RUFY3: variants seen among roughly 807,000 people sequenced by gnomAD.
RUFY3 encodes the protein RUN and FYVE domain containing 3.
A neutral mutation model predicts 84.0 loss-of-function variants in RUFY3; 34 were observed. The observed-to-expected ratio is 0.40, with a 90% CI of 0.31 to 0.54. The LOEUF (loss-of-function observed/expected upper bound fraction) is 0.54, where lower values mean the gene tolerates loss of function less well. RUFY3 is among the 20% of genes least tolerant of loss of function. The pLI is 0.39. For synonymous variants in RUFY3, 242 were observed against 252.9 expected, an observed-to-expected ratio of 0.96 and a Z score of 0.41; for missense variants, 507 against 736.8, an observed-to-expected ratio of 0.69 and a Z score of 3.61.
At chr4:70,729,752 TTTTATATCTATC>T (rs1718909938) in intron 1 of RUFY3, among the ~76,000 whole-genome samples, 1 of 152,160 alleles carries the variant, frequency 6.6e-6, no homozygotes, top group Non-Finnish European at 1.5e-5. Context: ...ATATTTCTAT[TTTTATATCTATC>T]TTTATAGAGT....
intron 1 of RUFY3, among the ~76,000 whole-genome samples, chr4:70,758,543 T>G (rs1394682767): frequency 1.3e-5 from 2 of 152,144 alleles, no homozygotes; most frequent in South Asian, 4.1e-4. Context: ...TTGTGTTCAT[T>G]TACAATGAGC....
Position 70,807,479 on chromosome 4 carries a change from A to T in RUFY3, c.*820A>T, listed in dbSNP as rs1237139157. Among the ~76,000 whole-genome samples, 1 of 152,194 alleles carries T rather than the reference A, an allele frequency of 6.6e-6. No homozygotes were observed. The highest frequency in any genetic ancestry group is 6.5e-5 in the Admixed American group (1 of 15,280). On this transcript the variant is annotated 3_prime_UTR_variant, in exon 18 of 18. Transcript: ENST00000381006. ...AAAATAGGGTTTGGCTTTTGCAAAT[A>T]GAAGATATTGATTAAAGCAAAGTCA...
chr4:70,716,273 G>A (rs545203840), intron 1 of RUFY3, among the ~76,000 whole-genome samples: 2 of 152,094 alleles, frequency 1.3e-5, no homozygotes, highest in Admixed American at 6.5e-5. Context: ...AGTCCCCTGA[G>A]TAGCTGGGAT....
intron 1 of RUFY3, chr4:70,705,432 T>C: frequency 3.6e-6 from 2 of 548,800 alleles, no homozygotes; most frequent in Non-Finnish European, 5.7e-6. Context: ...CTTTAGGGGC[T>C]ACCCTCGGGA....
upstream of RUFY3, among the ~76,000 whole-genome samples, chr4:70,720,961 A>G (rs925653681): frequency 6.7e-6 from 1 of 149,848 alleles, no homozygotes; most frequent in Admixed American, 6.8e-5. Flanking sequence ...TGTCTTCAGT[A>G]TCTTATCGAA....
At chr4:70,805,736 C>A (rs1447303186) in intron 17 of RUFY3, among the ~76,000 whole-genome samples, 3 of 152,138 alleles carry the variant, frequency 2.0e-5, no homozygotes, top group Non-Finnish European at 4.4e-5. Flanking sequence ...GACAAAAATT[C>A]TTCTTAGGCT....
In RUFY3 at chr4:70,788,862, T is replaced by C. The variant is rs369941144; in HGVS notation, c.1128T>C (p.Ala376=). The change falls in exon 11 of 18, where the codon GCT becomes GCC. Residue 376 remains alanine, a synonymous_variant. Coordinates refer to ENST00000381006, the MANE Select transcript of RUFY3 (RefSeq NM_001037442.4). ...QISMRQEMEL[A]MKMLEKDVCE... Reference sequence around the variant, plus strand: ...GCATGAGGCAGGAGATGGAATTGGCTATGAAGATGCTGGAGAAGGATGTCT... The same window carrying C: ...GCATGAGGCAGGAGATGGAATTGGCCATGAAGATGCTGGAGAAGGATGTCT... The C allele has an allele frequency of 5.0e-6, 8 of 1,614,166 alleles. No homozygotes were observed. The African/African-American group carries it at 6.7e-5, about 13-fold the overall frequency.
At chr4:70,708,538 T>C (rs925745381) in intron 1 of RUFY3, among the ~76,000 whole-genome samples, 8 of 152,194 alleles carry the variant, frequency 5.3e-5, no homozygotes, top group Admixed American at 3.9e-4. Context: ...AATATTACGA[T>C]GACTGGCATC....
At chr4:70,745,851 C>T (rs574368942) in intron 1 of RUFY3, among the ~76,000 whole-genome samples, 2 of 152,224 alleles carry the variant, frequency 1.3e-5, no homozygotes, top group African/African-American at 2.4e-5. Context: ...TTTGCGGGGC[C>T]GAGGCAGGCA....
Position 70,797,864 on chromosome 4 carries a change from A to T in RUFY3, c.1558-2277A>T, listed in dbSNP as rs188613279. On this transcript the variant is annotated intron_variant, in intron 14 of 17. Coordinates refer to ENST00000381006, the MANE Select transcript of RUFY3 (RefSeq NM_001037442.4). Reference sequence around the variant, plus strand: ...TCTCAAAAAAATAAAAAAATAATAAAAAAAAACACTCTGTGTAGCATGCTA... The same window carrying T: ...TCTCAAAAAAATAAAAAAATAATAATAAAAAACACTCTGTGTAGCATGCTA... 9.4e-3 allele frequency among the ~76,000 whole-genome samples: 1,435 copies of T among 152,108 alleles called. 18 individuals carry two copies. The highest frequency in any genetic ancestry group is 0.033 in the African/African-American group (1,350 of 41,490).
intron 1 of RUFY3, among the ~76,000 whole-genome samples, chr4:70,705,977 C>T (rs1198148541): frequency 6.6e-6 from 1 of 152,114 alleles, no homozygotes; most frequent in Non-Finnish European, 1.5e-5. Context: ...TATCGGTTGT[C>T]GGGAAGAGGC....
intron 1 of RUFY3, among the ~76,000 whole-genome samples, chr4:70,751,714 C>T (rs916325475): frequency 6.6e-6 from 1 of 152,008 alleles, no homozygotes; most frequent in Non-Finnish European, 1.5e-5. Flanking sequence ...TTGATGATGT[C>T]GTTTGAAACA....
Position 70,760,420 on chromosome 4 carries a change from G to A in RUFY3, c.179-2099G>A, listed in dbSNP as rs555437447. On this transcript the variant is annotated intron_variant, in intron 1 of 17. Coordinates refer to ENST00000381006, the MANE Select transcript of RUFY3 (RefSeq NM_001037442.4). ...CTGAATTAATGGTCTACAGGCTTGA[G>A]GCAGAGTGAATGCCTCAAAGTTATG... Among the ~76,000 whole-genome samples the A allele has an allele frequency of 1.1e-3, 174 of 152,094 alleles. 1 individual carries two copies. Among genetic ancestry groups the A allele is most frequent in the African/African-American group, 4.0e-3 (167 of 41,496 alleles).
rs1352477325 is a variant in RUFY3 at position 70,722,256 on chromosome 4, G to GA, written c.-310dup. On this transcript the variant is annotated 5_prime_UTR_variant, in exon 1 of 18. Transcript: ENST00000381006. ...GGGATTTAAAGCCTATAGCTCAGCT[G>GA]AAAAAAAAGGTGGGGGGCAGGGAAG... 1.5e-5 allele frequency: 19 copies of GA among 1,229,690 alleles called. No individual in the cohort carries two copies. The Admixed American group carries it at 1.7e-4, about 11-fold the overall frequency. 76.2% of individuals were successfully genotyped at this position (1,229,690 alleles called of 1,614,324 possible). A position where few individuals can be genotyped will look rare whatever the true frequency, so the allele number is the denominator to read the frequency against.
chr4:70,713,410 A>G (rs1741218711), intron 1 of RUFY3, among the ~76,000 whole-genome samples: 1 of 152,226 alleles, frequency 6.6e-6, no homozygotes, highest in Admixed American at 6.5e-5. Flanking sequence ...GTATTTGAAT[A>G]ATTGTGAAAA....
chr4:70,800,122 G>A lies in RUFY3; in HGVS notation c.1558-19G>A. ...AGCATTCTGAATAATTAATAAATTG[G>A]GCTGTTTTCTTTTGGCAGGATGGGA... On this transcript the variant is annotated intron_variant, in intron 14 of 17. Transcript: ENST00000381006. 1 of 1,596,096 alleles carries A rather than the reference G, an allele frequency of 6.3e-7. No individual in the cohort carries two copies. Among genetic ancestry groups the A allele is most frequent in the Non-Finnish European group, 8.5e-7 (1 of 1,174,094 alleles).
At chr4:70,804,265 T>C (rs907321450) in intron 16 of RUFY3, 83 bp from the exon 17 acceptor site, 5 of 1,057,084 alleles carry the variant, frequency 4.7e-6, no homozygotes, top group Non-Finnish European at 7.3e-6. Context: ...ATTATATTAA[T>C]ATTGTAGGTA....
chr4:70,773,294 T>C (rs563960731), intron 5 of RUFY3, among the ~76,000 whole-genome samples: 38 of 152,368 alleles, frequency 2.5e-4, no homozygotes, highest in African/African-American at 8.9e-4. Flanking sequence ...TTAGTTGTGA[T>C]CTAGTCTTCT....
At chr4:70,806,315 T>C (rs1732842347) in intron 17 of RUFY3, among the ~76,000 whole-genome samples, 1 of 152,256 alleles carries the variant, frequency 6.6e-6, no homozygotes, top group South Asian at 2.1e-4. Context: ...ATGGCACTGC[T>C]TCTTTTCATT....
Sources: allele counts gnomAD v4.1 joint callset (sites outside exome capture counted in the v4.1 genomes callset), GRCh38; gene constraint gnomAD v4.1.1; transcripts MANE v1.5; gene names NCBI Gene and HGNC (gene_info 2026-07-23, HGNC 2026-07-21).